Variants in RELCH observed in about 807,000 individuals in gnomAD.
RELCH encodes RAB11-binding protein RELCH.
Under a neutral mutation model 150.3 loss-of-function variants are expected in RELCH, and 41 were observed. The observed-to-expected ratio is 0.27, with a 90% CI of 0.21 to 0.35. RELCH has a LOEUF of 0.35. Among genes scored for constraint, RELCH ranks in the 10% least tolerant of loss-of-function variants. The probability of loss-of-function intolerance (pLI) is 1.00; values close to 1 mark genes in which losing one functional copy is unlikely to be tolerated. For missense variants in RELCH, 1,092 were observed against 1,467.8 expected, an observed-to-expected ratio of 0.74 and a Z score of 4.18; for synonymous variants, 478 against 531.8, an observed-to-expected ratio of 0.90 and a Z score of 1.39.
chr18:62,211,283 T>G, intron 2 of RELCH, 41 bp downstream of exon 2: 2 of 1,237,404 alleles, frequency 1.6e-6, no homozygotes, highest in Non-Finnish European at 2.4e-6. Flanking sequence ...TCTTTGACAT[T>G]CCAGAAATAA....
Position 62,268,913 on chromosome 18 carries a change from A to G in RELCH, c.2725A>G (p.Ile909Val). ...GGTCCTCACTAAAGCTACAGTCCCC[A>G]TTTATGCAACAGGAGTCCTTACGTG... ...NGVLTKATVP[I>V]YATGVLTCYI... Residue 909 changes from isoleucine to valine, a missense_variant, in exon 20 of 29, where the codon ATT (isoleucine) becomes GTT (valine). By Grantham distance (29) the Ile-to-Val change is conservative. This residue lies in a region of RELCH where 707 missense variants were observed against 1,025.4 expected (regional missense o/e 0.69). Coordinates refer to ENST00000644646, the MANE Select transcript of RELCH (RefSeq NM_001346231.2). 6.4e-7 allele frequency: 1 copy of G among 1,553,142 alleles called. No individual in the cohort carries two copies. Among genetic ancestry groups the G allele is most frequent in the Non-Finnish European group, 8.7e-7 (1 of 1,146,182 alleles).
At chr18:62,270,125 AC>A (rs1280413315) in intron 20 of RELCH, among the ~76,000 whole-genome samples, 1 of 152,016 alleles carries the variant, frequency 6.6e-6, no homozygotes, top group Non-Finnish European at 1.5e-5. Context: ...AAGTCTCAGG[AC>A]CTCTCTCTGT....
rs185881898 is a variant in RELCH, at chr18:62,274,222, G to A, written c.2867+136G>A. On this transcript the variant is annotated intron_variant, in intron 21 of 28. Coordinates refer to ENST00000644646, the MANE Select transcript of RELCH (RefSeq NM_001346231.2). ...GGTTTTGAAACTTAAGGGTTTTTTT[G>A]TGTATTTTAGTTTGTTTCTTGGTTT... 3.6e-4 allele frequency: 212 copies of A among 586,248 alleles called. 5 individuals are homozygous for A. Among genetic ancestry groups the A allele is most frequent in the South Asian group, 2.5e-3 (120 of 47,390 alleles). The allele number at this position is 586,248 out of a possible 1,614,324, so 36.3% of individuals were successfully genotyped here. A position where few individuals can be genotyped will look rare whatever the true frequency, so the allele number is the denominator to read the frequency against.
At chr18:62,225,605 T>C (rs1014870184) in intron 5 of RELCH, among the ~76,000 whole-genome samples, 1 of 151,964 alleles carries the variant, frequency 6.6e-6, no homozygotes, top group South Asian at 2.1e-4. Flanking sequence ...TTTGTATTCA[T>C]TAGAGAAATG....
Position 62,228,413 on chromosome 18 carries a change from G to C in RELCH, c.1263G>C (p.Gln421His). ...LPHKDSEDSG[Q>H]HPDVNSSDKG... ...ACAAAGACTCTGAGGACAGTGGACA[G>C]CATCCAGATGTAAATAGTTCAGACA... Residue 421 changes from glutamine to histidine, a missense_variant, in exon 8 of 29, where the codon CAG (glutamine) becomes CAC (histidine). This residue lies in a region of RELCH where 707 missense variants were observed against 1,025.4 expected (regional missense o/e 0.69). Transcript: ENST00000644646. The C allele has an allele frequency of 6.2e-7, 1 of 1,613,310 alleles. No individual in the cohort carries two copies. The highest frequency in any genetic ancestry group is 8.5e-7 in the Non-Finnish European group (1 of 1,179,550).
At chr18:62,288,144 A>C (rs2044912759) in intron 26 of RELCH, among the ~76,000 whole-genome samples, 1 of 152,168 alleles carries the variant, frequency 6.6e-6, no homozygotes, top group Admixed American at 6.5e-5. Context: ...ACTAAGAAGG[A>C]AGTAAAGATA....
At position 62,263,979 on chromosome 18, in the gene RELCH, T is replaced by C. The variant is rs777568734; in HGVS notation, c.2351-10T>C. On this transcript the variant is annotated splice_polypyrimidine_tract_variant and intron_variant, in intron 16 of 28. Coordinates refer to ENST00000644646, the MANE Select transcript of RELCH (RefSeq NM_001346231.2). ...TTCCATATGATTTATTTTGCTTCTT[T>C]TATGTGTAGTGACTAGGTTTCCTCG... is the stretch of plus-strand genomic sequence containing the variant. 13 of 1,601,282 alleles carry C rather than the reference T, an allele frequency of 8.1e-6. No individual in the cohort carries two copies. Among genetic ancestry groups the C allele is most frequent in the African/African-American group, 5.4e-5 (4 of 73,700 alleles).
At position 62,279,806 on chromosome 18, in the gene RELCH, A is replaced by G; in HGVS notation, c.3000A>G (p.Val1000=). 1.3e-6 allele frequency: 2 copies of G among 1,535,786 alleles called. No individual in the cohort carries two copies. Among genetic ancestry groups the G allele is most frequent in the Non-Finnish European group, 1.7e-6 (2 of 1,146,650 alleles). Residue 1000 remains valine, a synonymous_variant, in exon 23 of 29, where the codon GTA becomes GTG. Transcript: ENST00000644646. ...TGAAGGGGGTGAATGAAACTCTGGT[A>G]GCTCAGAGGGTTGTTCCTGCTCTCA... is the stretch of plus-strand genomic sequence containing the variant. ...LLVKGVNETL[V]AQRVVPALIT...
intron 25 of RELCH, among the ~76,000 whole-genome samples, chr18:62,285,119 T>TTTTG (rs61686710): frequency 0.27 from 40,034 of 150,710 alleles, 5,623 homozygotes; most frequent in Middle Eastern, 0.37. Flanking sequence ...ATATACAGTT[T>TTTTG]TTTGTTTGTT....
At chr18:62,212,057 C>G (rs1873527588) in intron 2 of RELCH, among the ~76,000 whole-genome samples, 1 of 152,238 alleles carries the variant, frequency 6.6e-6, no homozygotes. Flanking sequence ...CCCCCATCCT[C>G]TCTCCCATAC....
chr18:62,301,369 T>C (rs1022379320), intron 28 of RELCH, among the ~76,000 whole-genome samples: 1 of 152,226 alleles, frequency 6.6e-6, no homozygotes. Context: ...ATAGTAAATA[T>C]TATTTTAAAC....
At position 62,308,760 on chromosome 18, in the gene RELCH, A is replaced by G. The variant is rs1158721874; in HGVS notation, c.*3226A>G. The G allele has an allele frequency of 2.6e-5, 4 of 152,160 alleles. No homozygotes were observed. The highest frequency in any genetic ancestry group is 5.9e-5 in the Non-Finnish European group (4 of 68,028). 9.4% of individuals were successfully genotyped at this position (152,160 alleles called of 1,614,324 possible). A position where few individuals can be genotyped will look rare whatever the true frequency, so the allele number is the denominator to read the frequency against. On this transcript the variant is annotated 3_prime_UTR_variant, in exon 29 of 29. Transcript: ENST00000644646. ...TTTGTAAGTAGCAATTCTAATTCAT[A>G]ATTCATGAAATACTCCAGATTAGCC...
At position 62,301,164 on chromosome 18, in the gene RELCH, G is replaced by GC. The variant is rs1297428950; in HGVS notation, c.3530+2305dup. Among the ~76,000 whole-genome samples the GC allele has an allele frequency of 4.6e-5, 7 of 152,198 alleles. No homozygotes were observed. The East Asian group carries it at 1.2e-3, about 25-fold the overall frequency. On this transcript the variant is annotated intron_variant, in intron 28 of 28. Coordinates refer to ENST00000644646, the MANE Select transcript of RELCH (RefSeq NM_001346231.2). ...TTACATGCAGAAAAATCAGCACTGT[G>GC]CAAAATGACAAAAGTTACAGAGGAG...
intron 9 of RELCH, among the ~76,000 whole-genome samples, 154 bp from the exon 10 acceptor site, chr18:62,232,178 C>CTGT (rs536910477): frequency 0.031 from 4,623 of 149,822 alleles, 65 homozygotes; most frequent in Middle Eastern, 0.082. Flanking sequence ...GCTGCTGCTG[C>CTGT]TGTTGTTGTT....
At chr18:62,257,549 C>T (rs937939149) in intron 13 of RELCH, among the ~76,000 whole-genome samples, 5 of 151,910 alleles carry the variant, frequency 3.3e-5, no homozygotes, top group Non-Finnish European at 7.4e-5. Context: ...GAGTCATTGT[C>T]CATTTGTAGT....
chr18:62,213,536 C>T (rs2040296998), intron 2 of RELCH, among the ~76,000 whole-genome samples: 1 of 151,828 alleles, frequency 6.6e-6, no homozygotes, highest in South Asian at 2.1e-4. Flanking sequence ...TCGAGACCAG[C>T]CTGACCAATA....
intron 13 of RELCH, among the ~76,000 whole-genome samples, chr18:62,256,583 C>T (rs1378654100): frequency 2.0e-5 from 3 of 152,000 alleles, no homozygotes; most frequent in Non-Finnish European, 1.5e-5. Flanking sequence ...ATAATAGATA[C>T]AATGTTTCCT....
intron 1 of RELCH, among the ~76,000 whole-genome samples, chr18:62,198,219 C>T (rs2039177015): frequency 6.6e-6 from 1 of 152,196 alleles, no homozygotes; most frequent in Non-Finnish European, 1.5e-5. Flanking sequence ...AGCCCAGGAT[C>T]AACTAAACCT....
intron 11 of RELCH, 45 bp downstream of exon 11, chr18:62,244,921 C>G (rs1056568995): frequency 1.6e-6 from 2 of 1,214,018 alleles, no homozygotes; most frequent in African/African-American, 3.0e-5. Context: ...ATGTGACTTA[C>G]TGATTTTAAC....
Sources: allele counts gnomAD v4.1 joint callset (sites outside exome capture counted in the v4.1 genomes callset), GRCh38; gene constraint gnomAD v4.1.1; regional missense constraint gnomAD v4.1.1; transcripts MANE v1.5; gene names NCBI Gene and HGNC (gene_info 2026-07-23, HGNC 2026-07-21).